Variants in THSD7A observed in about 807,000 individuals in gnomAD.
The protein encoded by THSD7A is thrombospondin type-1 domain-containing protein 7A.
In THSD7A, 96 loss-of-function variants were observed where a neutral mutation model predicts 231.3. The ratio of observed to expected loss-of-function variants is 0.41; its 90% CI spans 0.35 to 0.49. The LOEUF is 0.49. Among genes scored for constraint, THSD7A ranks in the 20% least tolerant of loss-of-function variants. The pLI, the probability that THSD7A is intolerant of heterozygous loss-of-function variation, is 0.05. For missense variants in THSD7A, 2,290 were observed against 2,070.2 expected (o/e 1.11, Z -2.06); for synonymous variants, 940 against 743.3 (o/e 1.26, Z -4.30).
At chr7:11,504,205 A>G (rs903416401) in intron 6 of THSD7A, among the ~76,000 whole-genome samples, 1 of 152,212 alleles carries the variant, frequency 6.6e-6, no homozygotes, top group African/African-American at 2.4e-5. Context: ...AAGCTAATGC[A>G]GGAACAGAAA....
chr7:11,482,493 T>TA (rs35045824), intron 6 of THSD7A, among the ~76,000 whole-genome samples: 1 of 152,202 alleles, frequency 6.6e-6, no homozygotes, highest in African/African-American at 2.4e-5. Flanking sequence ...TCTTCTTTCG[T>TA]AAAAAATTGT....
intron 4 of THSD7A, among the ~76,000 whole-genome samples, chr7:11,549,371 G>C (rs1789531366): frequency 6.6e-6 from 1 of 151,800 alleles, no homozygotes; most frequent in South Asian, 2.1e-4. Flanking sequence ...ACAGTGTGGT[G>C]ATTCCTCAGA....
At chr7:11,626,410 C>G (rs1244063622) in intron 2 of THSD7A, among the ~76,000 whole-genome samples, 1 of 151,996 alleles carries the variant, frequency 6.6e-6, no homozygotes, top group East Asian at 1.9e-4. Flanking sequence ...ATATGTACAA[C>G]TTTTCATATA....
chr7:11,513,081 T>C (rs1263898050), intron 6 of THSD7A, among the ~76,000 whole-genome samples: 1 of 151,412 alleles, frequency 6.6e-6, no homozygotes, highest in Non-Finnish European at 1.5e-5. Flanking sequence ...TGTTGTGTAT[T>C]CTCACTAATA....
At chr7:11,517,771 G>GA (rs1788093873) in intron 6 of THSD7A, among the ~76,000 whole-genome samples, 1 of 152,214 alleles carries the variant, frequency 6.6e-6, no homozygotes, top group Non-Finnish European at 1.5e-5. Flanking sequence ...TATGAAAACT[G>GA]ACAGACATAT....
At chr7:11,397,307 G>A (rs1583666807) in intron 23 of THSD7A, among the ~76,000 whole-genome samples, 2 of 152,116 alleles carry the variant, frequency 1.3e-5, no homozygotes, top group African/African-American at 4.8e-5. Context: ...AAAAGCAATG[G>A]GAAAAGGATT....
At chr7:11,521,496 A>T (rs2014518) in intron 6 of THSD7A, among the ~76,000 whole-genome samples, 66,284 of 134,138 alleles carry the variant, frequency 0.49, 21,011 homozygotes, top group Non-Finnish European at 0.6. Context: ...TTATTTATTT[A>T]TTTTTTTATT....
intron 1 of THSD7A, among the ~76,000 whole-genome samples, chr7:11,704,910 AG>A (rs1443920518): frequency 1.3e-5 from 2 of 151,108 alleles, no homozygotes. Flanking sequence ...CATTTAAACT[AG>A]GTCTCCAAAA....
At chr7:11,699,475 CAGTT>C (rs1780510638) in intron 1 of THSD7A, among the ~76,000 whole-genome samples, 2 of 151,090 alleles carry the variant, frequency 1.3e-5, no homozygotes, top group African/African-American at 2.4e-5. Context: ...ATTTTCTTAT[CAGTT>C]TGTTTGGGGT....
At position 11,411,160 on chromosome 7, in the gene THSD7A, A is replaced by C. The variant is rs1297764875; in HGVS notation, c.3798+47T>G. 2 of 1,443,586 alleles carry C rather than the reference A, an allele frequency of 1.4e-6. No homozygotes were observed. The highest frequency in any genetic ancestry group is 2.8e-5 in the African/African-American group (2 of 71,552). The allele number at this position is 1,443,586 out of a possible 1,614,324, so 89.4% of individuals were successfully genotyped here. On this transcript the variant is annotated intron_variant, in intron 19 of 27. Transcript: ENST00000423059. This position sits in a 1 kb window ranked among gnomAD's most constrained non-coding sequence, Gnocchi z 4.1. The stretch of plus-strand genomic sequence containing the variant: ...ACTTGGCTCAGCATGAATTGAAATT[A>C]TTAGGGAAGAATTTACTCGCGAAGA...
At position 11,661,409 on chromosome 7, in the gene THSD7A, A is replaced by T. The variant is rs148979427; in HGVS notation, c.191-24448T>A. 9.7e-3 allele frequency among the ~76,000 whole-genome samples: 1,467 copies of T among 151,496 alleles called. 28 individuals carry two copies. Among genetic ancestry groups the T allele is most frequent in the African/African-American group, 0.034 (1,414 of 41,490 alleles). On this transcript the variant is annotated intron_variant, in intron 1 of 27. Transcript: ENST00000423059. ...TCAGCAGCTATCAGATCTGTACTTTAAAACAACTGTGACTATTGTTTTCCA... is the reference window on the plus strand; with the variant it reads ...TCAGCAGCTATCAGATCTGTACTTTTAAACAACTGTGACTATTGTTTTCCA...
intron 1 of THSD7A, among the ~76,000 whole-genome samples, chr7:11,790,083 A>ATACT (rs1352384838): frequency 3.9e-5 from 6 of 152,040 alleles, no homozygotes; most frequent in Non-Finnish European, 7.4e-5. Flanking sequence ...ATAAAAAGAC[A>ATACT]TACTTTTTGA....
intron 1 of THSD7A, among the ~76,000 whole-genome samples, chr7:11,808,476 C>G (rs929516837): frequency 6.6e-6 from 1 of 152,104 alleles, no homozygotes; most frequent in Non-Finnish European, 1.5e-5. Context: ...ATTGTCTGTT[C>G]TTTATAAATT....
intron 4 of THSD7A, among the ~76,000 whole-genome samples, chr7:11,571,128 C>T (rs1001144446): frequency 2.6e-5 from 4 of 152,114 alleles, no homozygotes; most frequent in East Asian, 3.9e-4. Flanking sequence ...ACTGGTATTA[C>T]ATTAGCTGGC....
intron 1 of THSD7A, among the ~76,000 whole-genome samples, chr7:11,813,675 C>T (rs936283745): frequency 3.3e-5 from 5 of 151,398 alleles, no homozygotes; most frequent in East Asian, 3.9e-4. Context: ...ATAGCACCAC[C>T]GCACTCTAGC....
intron 9 of THSD7A, among the ~76,000 whole-genome samples, chr7:11,469,009 C>T (rs1027743061): frequency 6.6e-6 from 1 of 151,494 alleles, no homozygotes; most frequent in African/African-American, 2.4e-5. Flanking sequence ...ATGTATAATA[C>T]CTAAAGGATT....
intron 1 of THSD7A, among the ~76,000 whole-genome samples, chr7:11,664,853 T>C (rs559583698): frequency 8.5e-5 from 13 of 152,108 alleles, no homozygotes; most frequent in African/African-American, 3.1e-4. Flanking sequence ...CTCTGTCACA[T>C]TTTTGTTTTT....
Position 11,488,217 on chromosome 7 carries a change from T to C in THSD7A, c.1823-6235A>G, listed in dbSNP as rs145519436. On this transcript the variant is annotated intron_variant, in intron 6 of 27. Transcript: ENST00000423059. The stretch of plus-strand genomic sequence containing the variant: ...AATTATTACTGAGTTTTTGATATGT[T>C]TTGTGTTCTTCAGAAATTATCTTAA... 3.9e-5 allele frequency among the ~76,000 whole-genome samples: 6 copies of C among 152,270 alleles called. No homozygotes were observed. In the East Asian group the frequency reaches 1.2e-3, roughly 29 times the overall value.
At position 11,789,531 on chromosome 7, in the gene THSD7A, G is replaced by A. The variant is rs139606022; in HGVS notation, c.190+42226C>T. Among the ~76,000 whole-genome samples, 533 of 150,484 alleles carry A rather than the reference G, an allele frequency of 3.5e-3. 1 individual carries two copies. The highest frequency in any genetic ancestry group is 6.3e-3 in the Non-Finnish European group (425 of 67,526). On this transcript the variant is annotated intron_variant, in intron 1 of 27. Coordinates refer to ENST00000423059, the MANE Select transcript of THSD7A (RefSeq NM_015204.3). ...GTACACTTATTTGATTATGAATAAGGTTGAATATGTTTTTGCCCATTTATT... is the reference window on the plus strand; with the variant it reads ...GTACACTTATTTGATTATGAATAAGATTGAATATGTTTTTGCCCATTTATT...
Sources: gnomAD v4.1 joint callset for allele counts (sites outside exome capture counted in the v4.1 genomes callset) on GRCh38, gnomAD v4.1.1 for gene constraint, Gnocchi (gnomAD v3.1) non-coding constraint, MANE v1.5 for transcripts, NCBI Gene and HGNC (gene_info 2026-07-23, HGNC 2026-07-21) for gene names.